RALGPS2: variants seen among roughly 807,000 people sequenced by gnomAD.
RALGPS2 encodes Ral GEF with PH domain and SH3 binding motif 2, also known as ras-specific guanine nucleotide-releasing factor RalGPS2.
A neutral mutation model predicts 86.8 loss-of-function variants in RALGPS2; 43 were observed. The observed-to-expected ratio is 0.50, with a 90% CI of 0.39 to 0.64. The LOEUF (loss-of-function observed/expected upper bound fraction) is 0.64, where lower values mean the gene tolerates loss of function less well. Ranked by LOEUF, RALGPS2 falls within the 30% of genes least tolerant of loss-of-function variation. The probability of loss-of-function intolerance (pLI) is 0.00; values close to 1 mark genes in which losing one functional copy is unlikely to be tolerated. For missense variants in RALGPS2, 536 were observed against 694.6 expected (o/e 0.77, Z 2.57); for synonymous variants, 243 against 231.3 (o/e 1.05, Z -0.46).
At chr1:178,756,132 G>A (rs1023631160) in intron 1 of RALGPS2, among the ~76,000 whole-genome samples, 2 of 152,114 alleles carry the variant, frequency 1.3e-5, no homozygotes, top group South Asian at 2.1e-4. Context: ...TGTTGACCCT[G>A]TTGATTGTTT....
At chr1:178,732,387 C>T (rs1447939736) in intron 1 of RALGPS2, among the ~76,000 whole-genome samples, 1 of 152,160 alleles carries the variant, frequency 6.6e-6, no homozygotes, top group Non-Finnish European at 1.5e-5. Context: ...CAACTTCCAT[C>T]TCCTGGGTTC....
intron 17 of RALGPS2, among the ~76,000 whole-genome samples, chr1:178,900,821 G>A (rs547763198): frequency 6.6e-6 from 1 of 152,150 alleles, no homozygotes; most frequent in Non-Finnish European, 1.5e-5. Flanking sequence ...TGGGGAATGT[G>A]ATGGGATTCG....
chr1:178,832,258 G>A (rs1386941461), intron 7 of RALGPS2, among the ~76,000 whole-genome samples: 1 of 152,128 alleles, frequency 6.6e-6, no homozygotes, highest in Non-Finnish European at 1.5e-5. Context: ...ACCCCTTGAC[G>A]TTGTATTTTA....
intron 7 of RALGPS2, among the ~76,000 whole-genome samples, chr1:178,827,105 G>A (rs1276344578): frequency 6.6e-6 from 1 of 152,072 alleles, no homozygotes; most frequent in Non-Finnish European, 1.5e-5. Flanking sequence ...CCAAGGAGGT[G>A]AAAAATCTAT....
chr1:178,789,566 A>G (rs1356582605), intron 4 of RALGPS2, among the ~76,000 whole-genome samples: 2 of 152,220 alleles, frequency 1.3e-5, no homozygotes, highest in Non-Finnish European at 2.9e-5. Flanking sequence ...TTGGCTTTGG[A>G]CATACTTATT....
At chr1:178,821,084 C>T (rs1415696041) in intron 6 of RALGPS2, among the ~76,000 whole-genome samples, 2 of 152,028 alleles carry the variant, frequency 1.3e-5, no homozygotes, top group African/African-American at 2.4e-5. Context: ...TGTCTCAGCA[C>T]GAATGAGGGA....
chr1:178,776,301 G>C (rs1014419956), intron 1 of RALGPS2, among the ~76,000 whole-genome samples: 3 of 152,118 alleles, frequency 2.0e-5, no homozygotes, highest in Admixed American at 2.0e-4. Flanking sequence ...TGATTTACAG[G>C]TGTCATTTGG....
intron 13 of RALGPS2, among the ~76,000 whole-genome samples, chr1:178,886,640 G>A (rs1659495884): frequency 6.6e-6 from 1 of 152,140 alleles, no homozygotes; most frequent in South Asian, 2.1e-4. Flanking sequence ...ACGAGAGGTA[G>A]CATATTTATA....
intron 1 of RALGPS2, among the ~76,000 whole-genome samples, chr1:178,743,646 A>T (rs1436652866): frequency 1.3e-5 from 2 of 152,208 alleles, no homozygotes; most frequent in East Asian, 3.8e-4. Flanking sequence ...GCTGATTGAG[A>T]TCAGGAAAGA....
intron 1 of RALGPS2, among the ~76,000 whole-genome samples, chr1:178,768,725 G>A (rs1652636677): frequency 6.6e-6 from 1 of 152,162 alleles, no homozygotes; most frequent in Non-Finnish European, 1.5e-5. Context: ...CCACCTACGG[G>A]TCCCCCAGTG....
At chr1:178,771,868 T>C (rs1396297480) in intron 1 of RALGPS2, among the ~76,000 whole-genome samples, 3 of 152,224 alleles carry the variant, frequency 2.0e-5, no homozygotes, top group Non-Finnish European at 2.9e-5. Context: ...TCATTAAGTA[T>C]TACAGTATTT....
At chr1:178,867,417 T>G (rs1658484734) in intron 8 of RALGPS2, among the ~76,000 whole-genome samples, 1 of 152,092 alleles carries the variant, frequency 6.6e-6, no homozygotes, top group Admixed American at 6.6e-5. Context: ...TTTATGTAGC[T>G]TAACACATGT....
intron 1 of RALGPS2, chr1:178,747,759 G>GCGGTT: frequency 1.0e-6 from 1 of 961,980 alleles, no homozygotes. Context: ...GGGCATGGCA[G>GCGGTT]CAGGAGCGAG....
intron 8 of RALGPS2, among the ~76,000 whole-genome samples, chr1:178,873,821 C>T (rs1360655004): frequency 1.3e-5 from 2 of 152,138 alleles, no homozygotes; most frequent in Non-Finnish European, 2.9e-5. Flanking sequence ...GACGAAGCAA[C>T]CACAGAAGAC....
In RALGPS2 at chr1:178,836,099, A is replaced by G. The variant is rs1046064683; in HGVS notation, c.607+2549A>G. Among the ~76,000 whole-genome samples the G allele has an allele frequency of 2.0e-5, 3 of 152,202 alleles. No homozygotes were observed. The East Asian group carries it at 5.8e-4, about 29-fold the overall frequency. ...CAGGATTGAAGCTGTGTACGTCTGT[A>G]TATGTGCTCAGGTACATTCATGCAC... On this transcript the variant is annotated intron_variant, in intron 8 of 19. Transcript: ENST00000367635.
chr1:178,872,632 T>C (rs925054239), intron 8 of RALGPS2, among the ~76,000 whole-genome samples: 1 of 152,224 alleles, frequency 6.6e-6, no homozygotes, highest in African/African-American at 2.4e-5. Flanking sequence ...CTGATTTGTA[T>C]TATGTATCGT....
chr1:178,903,762 T>C (rs1210355715), intron 18 of RALGPS2, among the ~76,000 whole-genome samples: 1 of 152,180 alleles, frequency 6.6e-6, no homozygotes, highest in Admixed American at 6.5e-5. Context: ...TGATGGGCAT[T>C]TGGGTTGGTT....
Position 178,877,594 on chromosome 1 carries a change from T to C in RALGPS2, c.704T>C (p.Ile235Thr), listed in dbSNP as rs1416908628. ...CAAAGATCAAATTTAATGAATAATATCCTTCGAATAATTTCTGATTTACAG... is the reference window on the plus strand; with the variant it reads ...CAAAGATCAAATTTAATGAATAATACCCTTCGAATAATTTCTGATTTACAG... ...NEQRSNLMNNILRIISDLQQS... is the reference protein window; with the variant it reads ...NEQRSNLMNNTLRIISDLQQS... Residue 235 changes from isoleucine (I) to threonine (T), a missense_variant, in exon 9 of 20, where the codon ATC (isoleucine) becomes ACC (threonine). Ile to Thr is a moderately conservative substitution (Grantham distance 89). This residue lies in a region of RALGPS2 where 184 missense variants were observed against 296.7 expected (regional missense o/e 0.62). Coordinates refer to ENST00000367635, the MANE Select transcript of RALGPS2 (RefSeq NM_152663.5). 12 of 1,613,338 alleles carry C rather than the reference T, an allele frequency of 7.4e-6. No individual in the cohort carries two copies. Among genetic ancestry groups the C allele is most frequent in the Non-Finnish European group, 1.7e-6 (2 of 1,179,572 alleles).
At chr1:178,766,386 ATT>A (rs35601726) in intron 1 of RALGPS2, among the ~76,000 whole-genome samples, 64 of 144,848 alleles carry the variant, frequency 4.4e-4, no homozygotes, top group Admixed American at 6.2e-4. Flanking sequence ...CACCCGGCTA[ATT>A]TTTTTTTTTT....
Sources: allele counts gnomAD v4.1 joint callset (sites outside exome capture counted in the v4.1 genomes callset), GRCh38; gene constraint gnomAD v4.1.1; regional missense constraint gnomAD v4.1.1; transcripts MANE v1.5; gene names NCBI Gene and HGNC (gene_info 2026-07-23, HGNC 2026-07-21).